Variants in KCNN2 observed in about 807,000 individuals in gnomAD.
KCNN2 encodes the protein small conductance calcium-activated potassium channel protein 2.
Under a neutral mutation model 55.5 loss-of-function variants are expected in KCNN2, and 24 were observed. That is an observed-to-expected ratio of 0.43 (90% CI 0.31 to 0.61). The LOEUF (loss-of-function observed/expected upper bound fraction) is 0.61, where lower values mean the gene tolerates loss of function less well. KCNN2 is among the 20% of genes least tolerant of loss of function. The pLI is 0.08. For synonymous variants in KCNN2, 431 were observed against 336.1 expected (o/e 1.28, Z -3.09); for missense variants, 754 against 853.6 (o/e 0.88, Z 1.45).
At chr5:114,407,771 CA>C (rs1442277385) in intron 3 of KCNN2, among the ~76,000 whole-genome samples, 1 of 152,168 alleles carries the variant, frequency 6.6e-6, no homozygotes, top group Non-Finnish European at 1.5e-5. Flanking sequence ...AAACACAGGG[CA>C]AAGAAGAGGT....
At chr5:114,165,623 G>T (rs1395497262) in intron 1 of KCNN2, among the ~76,000 whole-genome samples, 2 of 152,018 alleles carry the variant, frequency 1.3e-5, no homozygotes, top group Non-Finnish European at 2.9e-5. Flanking sequence ...TCTTATCCAT[G>T]GCCTTATTGG....
chr5:114,064,410 T>G (rs1750396626), intron 1 of KCNN2, among the ~76,000 whole-genome samples: 1 of 152,172 alleles, frequency 6.6e-6, no homozygotes, highest in Non-Finnish European at 1.5e-5. Flanking sequence ...GTCTCCATGC[T>G]AGAGGGAGAA....
At chr5:114,137,053 ATCTTTATCTAAAATATC>A in intron 1 of KCNN2, among the ~76,000 whole-genome samples, 1 of 152,254 alleles carries the variant, frequency 6.6e-6, no homozygotes, top group South Asian at 2.1e-4. Context: ...AACTGCTTTC[ATCTTTATCTAAAATATC>A]TAGTATAGTG....
chr5:114,292,520 C>G (rs1755916269), intron 2 of KCNN2, among the ~76,000 whole-genome samples: 1 of 152,132 alleles, frequency 6.6e-6, no homozygotes, highest in Admixed American at 6.6e-5. Context: ...GGCATTATTT[C>G]TGAGGGCTCT....
intron 5 of KCNN2, among the ~76,000 whole-genome samples, chr5:114,474,815 T>C (rs1761896377): frequency 6.6e-6 from 1 of 152,010 alleles, no homozygotes; most frequent in Non-Finnish European, 1.5e-5. Context: ...ATTAAGTTAA[T>C]GCCACACTTA....
chr5:114,492,654 C>T (rs1747916492), intron 6 of KCNN2, among the ~76,000 whole-genome samples: 1 of 151,860 alleles, frequency 6.6e-6, no homozygotes, highest in Admixed American at 6.6e-5. Context: ...CAGGTATATA[C>T]AATGATATTT....
At chr5:114,317,745 G>A (rs1756527338) in intron 2 of KCNN2, among the ~76,000 whole-genome samples, 1 of 152,200 alleles carries the variant, frequency 6.6e-6, no homozygotes, top group South Asian at 2.1e-4. Flanking sequence ...ACAATTCAGA[G>A]CAAAGAGATG....
chr5:114,081,167 A>G (rs1750809478), intron 1 of KCNN2, among the ~76,000 whole-genome samples: 1 of 152,190 alleles, frequency 6.6e-6, no homozygotes. Context: ...GTAAATAGAA[A>G]CATCTTATGC....
chr5:114,230,267 CT>C (rs11432521), intron 2 of KCNN2, among the ~76,000 whole-genome samples: 24 of 142,162 alleles, frequency 1.7e-4, no homozygotes, highest in Middle Eastern at 3.7e-3. Flanking sequence ...TAGTGATATT[CT>C]TTTTTTTTTT....
intron 4 of KCNN2, among the ~76,000 whole-genome samples, chr5:114,467,371 C>G (rs1761500796): frequency 1.3e-5 from 2 of 152,174 alleles, no homozygotes; most frequent in South Asian, 4.1e-4. Flanking sequence ...TGAAGCCATT[C>G]CTTAGTGTTG....
chr5:114,094,770 C>A (rs966211381), intron 1 of KCNN2, among the ~76,000 whole-genome samples: 5 of 152,102 alleles, frequency 3.3e-5, no homozygotes, highest in Non-Finnish European at 7.3e-5. Flanking sequence ...TTGCATACTT[C>A]CCTGCTTTGC....
intron 2 of KCNN2, among the ~76,000 whole-genome samples, chr5:114,340,620 C>G (rs1204336516): frequency 6.6e-6 from 1 of 151,854 alleles, no homozygotes; most frequent in Non-Finnish European, 1.5e-5. Flanking sequence ...AACAGTAAAG[C>G]TAATTAACAT....
At chr5:114,116,503 A>G (rs1166483058) in intron 1 of KCNN2, among the ~76,000 whole-genome samples, 1 of 152,128 alleles carries the variant, frequency 6.6e-6, no homozygotes, top group East Asian at 1.9e-4. Context: ...TGTATATAGT[A>G]TATGTAGAAA....
chr5:114,304,965 A>G (rs748105111), intron 2 of KCNN2, among the ~76,000 whole-genome samples: 2 of 152,200 alleles, frequency 1.3e-5, no homozygotes, highest in African/African-American at 4.8e-5. Context: ...CCTCTAAAGT[A>G]TTTGCCAAAA....
intron 1 of KCNN2, among the ~76,000 whole-genome samples, chr5:114,162,513 C>G (rs576110964): frequency 2.0e-5 from 3 of 152,308 alleles, no homozygotes; most frequent in Admixed American, 6.5e-5. Flanking sequence ...GGGAGAACCA[C>G]TACTCTCTTC....
chr5:114,390,514 G>C (rs1273159032), intron 2 of KCNN2, among the ~76,000 whole-genome samples: 1 of 152,110 alleles, frequency 6.6e-6, no homozygotes, highest in African/African-American at 2.4e-5. Flanking sequence ...GTGCTGAAGT[G>C]AACTATTATG....
At chr5:114,073,186 G>A (rs1750613465) in intron 1 of KCNN2, among the ~76,000 whole-genome samples, 1 of 152,170 alleles carries the variant, frequency 6.6e-6, no homozygotes, top group South Asian at 2.1e-4. Context: ...TGGTCTCACT[G>A]GAATATTCCC....
chr5:114,351,816 T>A (rs547970097), intron 2 of KCNN2, among the ~76,000 whole-genome samples: 1 of 151,818 alleles, frequency 6.6e-6, no homozygotes, highest in South Asian at 2.1e-4. Context: ...AACTTGGTCA[T>A]GTATATAACT....
intron 2 of KCNN2, among the ~76,000 whole-genome samples, chr5:114,351,418 A>G (rs963225918): frequency 6.6e-6 from 1 of 151,802 alleles, no homozygotes; most frequent in Non-Finnish European, 1.5e-5. Flanking sequence ...CTTCTTATCT[A>G]TCTGAATACC....
Sources: allele counts gnomAD v4.1 joint callset (sites outside exome capture counted in the v4.1 genomes callset), GRCh38; gene constraint gnomAD v4.1.1; transcripts MANE v1.5; gene names NCBI Gene and HGNC (gene_info 2026-07-23, HGNC 2026-07-21).